The following ITGB4 variants were observed in gnomAD, a reference collection of about 807,000 sequenced individuals.
The protein encoded by ITGB4 is integrin beta-4.
In ITGB4, 159 loss-of-function variants were observed where a neutral mutation model predicts 207.6. The ratio of observed to expected loss-of-function variants is 0.77; its 90% CI spans 0.67 to 0.87. The LOEUF is 0.87. Among genes scored for constraint, ITGB4 ranks in the 40% least tolerant of loss-of-function variants. The probability of loss-of-function intolerance (pLI) is 0.00; values close to 1 mark genes in which losing one functional copy is unlikely to be tolerated. For synonymous variants in ITGB4, 1,020 were observed against 1,062.7 expected, an observed-to-expected ratio of 0.96 and a Z score of 0.78; for missense variants, 2,278 against 2,546.8, an observed-to-expected ratio of 0.89 and a Z score of 2.27.
In ITGB4 at chr17:75,722,542, C is replaced by G. The variant is rs912607768; in HGVS notation, c.-11+930C>G. ...GGGGAGGTATGTCTGTCTACTCGAC[C>G]CTGATTTCTCAGGGAGACAGAACAG... On this transcript the variant is annotated intron_variant, in intron 1 of 39. Transcript: ENST00000200181. This position sits in a 1 kb window ranked among gnomAD's most constrained non-coding sequence, Gnocchi z 6.2. Among the ~76,000 whole-genome samples, 32 of 152,128 alleles carry G rather than the reference C, an allele frequency of 2.1e-4. No homozygotes were observed. Among genetic ancestry groups the G allele is most frequent in the African/African-American group, 7.7e-4 (32 of 41,424 alleles).
chr17:75,754,679 C>G lies in ITGB4; in HGVS notation c.4422C>G (p.Ser1474Arg). The G allele has an allele frequency of 6.2e-7, 1 of 1,614,016 alleles. No homozygotes were observed. Among genetic ancestry groups the G allele is most frequent in the African/African-American group, 1.3e-5 (1 of 74,990 alleles). The change falls in exon 34 of 40, where the codon AGC (serine) becomes AGG (arginine). Residue 1474 changes from serine (S) to arginine (R), a missense_variant. Physicochemically the swap from Ser to Arg is moderately radical, Grantham distance 110. Transcript: ENST00000200181. ...CTGCTGCCTATGGCACCCACCTGAGCCCACACGTGCCCCACCGCGTGCTAA... is the reference window on the plus strand; with the variant it reads ...CTGCTGCCTATGGCACCCACCTGAGGCCACACGTGCCCCACCGCGTGCTAA... ...TSAAAYGTHL[S>R]PHVPHRVLST...
chr17:75,723,739 A>G (rs553589027), intron 1 of ITGB4, among the ~76,000 whole-genome samples: 206 of 152,352 alleles, frequency 1.4e-3, no homozygotes, highest in Non-Finnish European at 2.5e-3. Context: ...ACAGGATTCA[A>G]TGGGGAGGGC....
chr17:75,754,941 TGCAC>T, intron 34 of ITGB4, 126 bp downstream of exon 34: 2 of 1,505,192 alleles, frequency 1.3e-6, no homozygotes, highest in East Asian at 2.3e-5. Flanking sequence ...CATGCACACA[TGCAC>T]GCACACACGT....
chr17:75,743,647 A>G, intron 25 of ITGB4, 66 bp from the exon 26 acceptor site: 1 of 1,609,630 alleles, frequency 6.2e-7, no homozygotes, highest in East Asian at 2.2e-5. Context: ...GCAGGGTCAC[A>G]GGAGAGCAGG....
intron 34 of ITGB4, 192 bp downstream of exon 34, chr17:75,755,007 T>C: frequency 6.4e-7 from 1 of 1,574,656 alleles, no homozygotes; most frequent in Non-Finnish European, 8.6e-7. Context: ...CGTACACACA[T>C]GCATGCACAC....
Position 75,740,714 on chromosome 17 carries a change from T to G in ITGB4, c.2551-79T>G. On this transcript the variant is annotated intron_variant, in intron 21 of 39. Coordinates refer to ENST00000200181, the MANE Select transcript of ITGB4 (RefSeq NM_000213.5). The surrounding 1 kb of genome is among the most constrained non-coding windows in gnomAD (Gnocchi z 5.9). ...AGGATCTCTGGGTACAGAGGCTGCC[T>G]GGCTCCCTGGGTCCCCAGCCTGAGG... is the stretch of plus-strand genomic sequence containing the variant. 6.7e-7 allele frequency: 1 copy of G among 1,501,502 alleles called. No individual in the cohort carries two copies. Among genetic ancestry groups the G allele is most frequent in the South Asian group, 1.1e-5 (1 of 88,648 alleles). 93.0% of individuals were successfully genotyped at this position (1,501,502 alleles called of 1,614,324 possible).
At position 75,739,952 on chromosome 17, in the gene ITGB4, C is replaced by T. The variant is rs746952105; in HGVS notation, c.2327C>T (p.Thr776Met). 1.2e-5 allele frequency: 20 copies of T among 1,613,170 alleles called. No homozygotes were observed. The highest frequency in any genetic ancestry group is 1.6e-4 in the Middle Eastern group (1 of 6,084). ...ENLMASDHLD[T>M]PMLRSGNLKG... ...CTGATGGCCTCTGACCACTTGGACA[C>T]GCCCATGCTGCGCAGCGGGAACCTC... The change falls in exon 20 of 40, where the codon ACG becomes ATG. Residue 776 changes from threonine (T) to methionine (M), a missense_variant. Physicochemically the swap from Thr to Met is moderately conservative, Grantham distance 81. Transcript: ENST00000200181. This position sits in a 1 kb window ranked among gnomAD's most constrained non-coding sequence, Gnocchi z 5.4.
intron 1 of ITGB4, among the ~76,000 whole-genome samples, chr17:75,724,172 C>T (rs1024749039): frequency 1.3e-5 from 2 of 152,210 alleles, no homozygotes; most frequent in African/African-American, 2.4e-5. Context: ...TAAGCCACTG[C>T]GGGCAGCTGT....
Position 75,729,192 on chromosome 17 carries a change from A to C in ITGB4, c.567-73A>C. 1 of 1,441,406 alleles carries C rather than the reference A, an allele frequency of 6.9e-7. No homozygotes were observed. The highest frequency in any genetic ancestry group is 2.3e-5 in the East Asian group (1 of 43,620). The allele number at this position is 1,441,406 out of a possible 1,614,324, so 89.3% of individuals were successfully genotyped here. On this transcript the variant is annotated intron_variant, in intron 6 of 39. Transcript: ENST00000200181. The surrounding 1 kb of genome is among the most constrained non-coding windows in gnomAD (Gnocchi z 4.4). ...AAAAAAAAATTCTCCTTCTAGTTGAAACGAGCCAGGGGCACTGGGGTCTGC... is the reference window on the plus strand; with the variant it reads ...AAAAAAAAATTCTCCTTCTAGTTGACACGAGCCAGGGGCACTGGGGTCTGC...
At chr17:75,743,687 C>T (rs1294847093) in intron 25 of ITGB4, 26 bp from the exon 26 acceptor site, 13 of 1,613,272 alleles carry the variant, frequency 8.1e-6, no homozygotes, top group Non-Finnish European at 1.1e-5. Context: ...CCAGCACACT[C>T]TGACAAATGC....
Position 75,728,379 on chromosome 17 carries a change from C to G in ITGB4, c.472C>G (p.Arg158Gly). 2 of 1,613,904 alleles carry G rather than the reference C, an allele frequency of 1.2e-6. No homozygotes were observed. Among genetic ancestry groups the G allele is most frequent in the Non-Finnish European group, 1.7e-6 (2 of 1,179,864 alleles). Residue 158 changes from arginine to glycine, a missense_variant and splice_region_variant, in exon 6 of 40, where the codon CGG becomes GGG. Physicochemically the swap from Arg to Gly is moderately radical, Grantham distance 125 (BLOSUM62 -2). Transcript: ENST00000200181. ...CTCTCTGTCCTTTTGACATCCAGCT[C>G]GGGTCCTGAGCCAGCTCACCAGCGA... Reference protein sequence around the residue: ...NLKKMGQNLARVLSQLTSDYT... With the variant: ...NLKKMGQNLAGVLSQLTSDYT...
Position 75,742,305 on chromosome 17 carries a change from C to T in ITGB4, c.2634-36C>T. On this transcript the variant is annotated intron_variant, in intron 23 of 39. Coordinates refer to ENST00000200181, the MANE Select transcript of ITGB4 (RefSeq NM_000213.5). The surrounding 1 kb of genome is among the most constrained non-coding windows in gnomAD (Gnocchi z 5.9). The stretch of plus-strand genomic sequence containing the variant: ...GACAGGGCAGCAGGTGCCAGCCTGA[C>T]CCCTCCGCTGCCTGAACCTTCCACC... 6.2e-7 allele frequency: 1 copy of T among 1,612,764 alleles called. No individual in the cohort carries two copies.
At chr17:75,725,327 A>T (rs868799179) in intron 2 of ITGB4, among the ~76,000 whole-genome samples, 1 of 152,124 alleles carries the variant, frequency 6.6e-6, no homozygotes, top group African/African-American at 2.4e-5. Context: ...TTCAATGTAT[A>T]TGTAGAAACA....
At chr17:75,728,524 C>A (rs762660773) in intron 6 of ITGB4, 51 bp downstream of exon 6, 9 of 1,365,518 alleles carry the variant, frequency 6.6e-6, no homozygotes, top group Non-Finnish European at 9.4e-6. Context: ...GGCCATGTGA[C>A]CCCCACTCCT....
Position 75,739,750 on chromosome 17 carries a change from T to A in ITGB4, c.2254+45T>A, listed in dbSNP as rs1182599568. ...GGGGCAGCAGGGGCTCTGACTGCTCTTTCTCTGAGCTGGGGTGGAGGGAAG... is the reference window on the plus strand; with the variant it reads ...GGGGCAGCAGGGGCTCTGACTGCTCATTCTCTGAGCTGGGGTGGAGGGAAG... On this transcript the variant is annotated intron_variant, in intron 19 of 39. Coordinates refer to ENST00000200181, the MANE Select transcript of ITGB4 (RefSeq NM_000213.5). This position sits in a 1 kb window ranked among gnomAD's most constrained non-coding sequence, Gnocchi z 5.4. 6.8e-6 allele frequency: 11 copies of A among 1,613,054 alleles called. No individual in the cohort carries two copies. Among genetic ancestry groups the A allele is most frequent in the Non-Finnish European group, 9.3e-6 (11 of 1,179,072 alleles).
rs948360950 is a variant in ITGB4, at chr17:75,757,796, A to C, written c.*241A>C. The C allele has an allele frequency of 9.0e-6, 6 of 667,264 alleles. No individual in the cohort carries two copies. Among genetic ancestry groups the C allele is most frequent in the Non-Finnish European group, 1.5e-5 (6 of 388,792 alleles). 41.3% of individuals were successfully genotyped at this position (667,264 alleles called of 1,614,324 possible). A position where few individuals can be genotyped will look rare whatever the true frequency, so the allele number is the denominator to read the frequency against. On this transcript the variant is annotated 3_prime_UTR_variant, in exon 40 of 40. Coordinates refer to ENST00000200181, the MANE Select transcript of ITGB4 (RefSeq NM_000213.5). ...AGGACCCAGCCTTTGTTCTGCACTTAATAAATGGTTTTGCTACTGCTAGGC... is the reference window on the plus strand; with the variant it reads ...AGGACCCAGCCTTTGTTCTGCACTTCATAAATGGTTTTGCTACTGCTAGGC...
chr17:75,728,477 A>T lies in ITGB4; in HGVS notation c.566+4A>T. ...AGACGGACATGAGGCCTGAGAAGTAAGTGACTGTGTGGGTCCCGCAGGTGG... is the reference window on the plus strand; with the variant it reads ...AGACGGACATGAGGCCTGAGAAGTATGTGACTGTGTGGGTCCCGCAGGTGG... On this transcript the variant is annotated splice_donor_region_variant and intron_variant, in intron 6 of 39. Transcript: ENST00000200181. 6.2e-7 allele frequency: 1 copy of T among 1,612,412 alleles called. No individual in the cohort carries two copies. The highest frequency in any genetic ancestry group is 8.5e-7 in the Non-Finnish European group (1 of 1,178,478).
At position 75,727,001 on chromosome 17, in the gene ITGB4, T is replaced by A. The variant is rs1019326677; in HGVS notation, c.80-194T>A. The stretch of plus-strand genomic sequence containing the variant: ...GGTGGGAGAATGGCGTGAACACGGG[T>A]GGTGGAGCTTGCAGTGAGCCAGGAT... On this transcript the variant is annotated intron_variant, in intron 2 of 39. Coordinates refer to ENST00000200181, the MANE Select transcript of ITGB4 (RefSeq NM_000213.5). The surrounding 1 kb of genome is among the most constrained non-coding windows in gnomAD (Gnocchi z 6.0). 2.7e-5 allele frequency among the ~76,000 whole-genome samples: 4 copies of A among 148,460 alleles called. No individual in the cohort carries two copies. Among genetic ancestry groups the A allele is most frequent in the Non-Finnish European group, 6.0e-5 (4 of 66,966 alleles).
rs1425617376 is a variant in ITGB4 at position 75,740,308 on chromosome 17, G to A, written c.2447-50G>A. On this transcript the variant is annotated intron_variant, in intron 20 of 39. Transcript: ENST00000200181. This position sits in a 1 kb window ranked among gnomAD's most constrained non-coding sequence, Gnocchi z 5.9. ...AGGGATGCTCTGTGGTGCCTGTCAT[G>A]CAGGGGGCTGACCACCTCCATCTCA... is the stretch of plus-strand genomic sequence containing the variant. 6.6e-7 allele frequency: 1 copy of A among 1,506,848 alleles called. No individual in the cohort carries two copies. Among genetic ancestry groups the A allele is most frequent in the Non-Finnish European group, 9.1e-7 (1 of 1,092,958 alleles). The allele number at this position is 1,506,848 out of a possible 1,614,324, so 93.3% of individuals were successfully genotyped here.
Sources: allele counts gnomAD v4.1 joint callset (sites outside exome capture counted in the v4.1 genomes callset), GRCh38; gene constraint gnomAD v4.1.1; non-coding constraint Gnocchi (gnomAD v3.1); transcripts MANE v1.5; gene names NCBI Gene and HGNC (gene_info 2026-07-23, HGNC 2026-07-21).